The following KCNQ4 variants were observed in gnomAD, a reference collection of about 807,000 sequenced individuals.
KCNQ4 encodes potassium voltage-gated channel subfamily KQT member 4.
KCNQ4 carries 31 observed loss-of-function variants against 72.6 expected under a neutral mutation model. The observed-to-expected ratio is 0.43, with a 90% CI of 0.32 to 0.58. The LOEUF (loss-of-function observed/expected upper bound fraction) is 0.58. Among genes scored for constraint, KCNQ4 ranks in the 20% least tolerant of loss-of-function variants. KCNQ4 has a pLI of 0.08. For synonymous variants in KCNQ4, 405 were observed against 403.7 expected (o/e 1.00, Z -0.04); for missense variants, 869 against 962.6 (o/e 0.90, Z 1.29).
intron 9 of KCNQ4, among the ~76,000 whole-genome samples, chr1:40,828,457 G>A (rs1273248886): frequency 6.6e-6 from 1 of 152,030 alleles, no homozygotes; most frequent in African/African-American, 2.4e-5. Flanking sequence ...CCCCTGAGTG[G>A]GGGAACTTGC....
At chr1:40,792,550 C>T (rs1402413453) in intron 1 of KCNQ4, among the ~76,000 whole-genome samples, 3 of 152,330 alleles carry the variant, frequency 2.0e-5, no homozygotes, top group Non-Finnish European at 4.4e-5. Context: ...GGGGCCTTTT[C>T]CACCTTCCCT....
In KCNQ4 at chr1:40,819,338, G is replaced by A; in HGVS notation, c.709-9G>A. ...CGCTCCTCACCGCGCCCCTCCGCCT[G>A]CCCCGCAGGAGCTGATCACCGCCTG... On this transcript the variant is annotated splice_polypyrimidine_tract_variant and intron_variant, in intron 4 of 13. Coordinates refer to ENST00000347132, the MANE Select transcript of KCNQ4 (RefSeq NM_004700.4). 1.2e-6 allele frequency: 2 copies of A among 1,613,652 alleles called. No homozygotes were observed. Among genetic ancestry groups the A allele is most frequent in the Non-Finnish European group, 8.5e-7 (1 of 1,179,946 alleles).
chr1:40,796,261 C>A (rs925653076), intron 1 of KCNQ4, among the ~76,000 whole-genome samples: 1 of 152,122 alleles, frequency 6.6e-6, no homozygotes, highest in Admixed American at 6.5e-5. Context: ...GCAGTCACCT[C>A]CCTCTCTGAG....
rs145629588 is a variant in KCNQ4 at position 40,821,817 on chromosome 1, GA to G, written c.1042-496del. On this transcript the variant is annotated intron_variant, in intron 7 of 13. Coordinates refer to ENST00000347132, the MANE Select transcript of KCNQ4 (RefSeq NM_004700.4). ...CAATGAATAGGTATTCATCAAATGT[GA>G]TAAGGGGAATAACAGGAGTGTTTAA... Among the ~76,000 whole-genome samples, 86 of 152,290 alleles carry G rather than the reference GA, an allele frequency of 5.6e-4. 1 individual carries two copies. The East Asian group carries it at 0.016, about 28-fold the overall frequency.
rs1647180417 is a variant in KCNQ4 at position 40,784,130 on chromosome 1, C to G, written c.37C>G (p.Pro13Ala). 2 of 930,174 alleles carry G rather than the reference C, an allele frequency of 2.2e-6. No individual in the cohort carries two copies. The highest frequency in any genetic ancestry group is 3.6e-5 in the African/African-American group (2 of 55,510). 57.6% of individuals were successfully genotyped at this position (930,174 alleles called of 1,614,324 possible). Reference sequence around the variant, plus strand: ...CCCCCCGCGCCGCCTCGGCCTGGGTCCCCCGCCCGGGGACGCCCCCCGCGC... The same window carrying G: ...CCCCCCGCGCCGCCTCGGCCTGGGTGCCCCGCCCGGGGACGCCCCCCGCGC... ...EAPPRRLGLG[P>A]PPGDAPRAEL... Residue 13 changes from proline to alanine, a missense_variant, in exon 1 of 14, where the codon CCC becomes GCC. Physicochemically the swap from Pro to Ala is conservative, Grantham distance 27. Transcript: ENST00000347132. The surrounding 1 kb of genome is among the most constrained non-coding windows in gnomAD (Gnocchi z 4.1).
At chr1:40,831,755 A>C (rs1648657153) in intron 10 of KCNQ4, among the ~76,000 whole-genome samples, 2 of 152,252 alleles carry the variant, frequency 1.3e-5, no homozygotes, top group African/African-American at 4.8e-5. Flanking sequence ...CTCAACAAAT[A>C]GCTAAACACA....
intron 3 of KCNQ4, 99 bp from the exon 4 acceptor site, chr1:40,818,406 C>CCACCCAA: frequency 6.5e-7 from 1 of 1,550,128 alleles, no homozygotes; most frequent in Non-Finnish European, 8.8e-7. Flanking sequence ...GGACCCTCCC[C>CCACCCAA]CTCCCTCCCC....
At chr1:40,813,384 G>A (rs900071296) in intron 1 of KCNQ4, among the ~76,000 whole-genome samples, 7 of 152,186 alleles carry the variant, frequency 4.6e-5, no homozygotes, top group East Asian at 1.9e-4. Flanking sequence ...GGGATGGTGC[G>A]ACCTGGCCTG....
rs114709763 is a variant in KCNQ4, at chr1:40,821,355, G to A, written c.1042-959G>A. On this transcript the variant is annotated intron_variant, in intron 7 of 13. Coordinates refer to ENST00000347132, the MANE Select transcript of KCNQ4 (RefSeq NM_004700.4). The stretch of plus-strand genomic sequence containing the variant: ...AGGTCAGCAGTGGCAGCCCCTTAAG[G>A]ACAAGAGGCATCCAAAGAAGGGAGG... Among the ~76,000 whole-genome samples, 453 of 152,334 alleles carry A rather than the reference G, an allele frequency of 3.0e-3. 3 individuals carry two copies. The highest frequency in any genetic ancestry group is 0.01 in the African/African-American group (426 of 41,574).
rs769063921 is a variant in KCNQ4 at position 40,837,661 on chromosome 1, T to G, written c.1746-4T>G. 1 of 1,612,686 alleles carries G rather than the reference T, an allele frequency of 6.2e-7. No homozygotes were observed. The highest frequency in any genetic ancestry group is 1.3e-5 in the African/African-American group (1 of 74,988). Reference sequence around the variant, plus strand: ...GGGCCCTCTGATGGTTCCCTTACCCTTAGGGTGGACCAAATTGTGGGTCGG... The same window carrying G: ...GGGCCCTCTGATGGTTCCCTTACCCGTAGGGTGGACCAAATTGTGGGTCGG... On this transcript the variant is annotated splice_region_variant and splice_polypyrimidine_tract_variant and intron_variant, in intron 12 of 13. Coordinates refer to ENST00000347132, the MANE Select transcript of KCNQ4 (RefSeq NM_004700.4).
At chr1:40,829,026 A>C (rs951180954) in intron 9 of KCNQ4, among the ~76,000 whole-genome samples, 3 of 152,238 alleles carry the variant, frequency 2.0e-5, no homozygotes, top group Non-Finnish European at 4.4e-5. Flanking sequence ...TCCTTCCTCC[A>C]TAAGTCCTGC....
intron 12 of KCNQ4, among the ~76,000 whole-genome samples, 161 bp downstream of exon 12, chr1:40,835,259 G>A (rs1472667361): frequency 1.3e-5 from 2 of 152,168 alleles, no homozygotes; most frequent in Non-Finnish European, 2.9e-5. Context: ...CCTGAGGCCA[G>A]ACCCAGCACC....
rs1402193029 is a variant in KCNQ4, at chr1:40,824,107, C to T, written c.1141C>T (p.Leu381Phe). The change falls in exon 9 of 14, where the codon CTC (leucine) becomes TTC (phenylalanine). Residue 381 changes from leucine (L) to phenylalanine (F), a missense_variant. Transcript: ENST00000347132. The part of the protein sequence containing the change: ...SILPSFRELA[L>F]LFEHVQRARN... ...TGCCCTCTCCTGCAGAGAGCTGGCC[C>T]TCTTGTTTGAGCACGTGCAACGGGC... 6.4e-7 allele frequency: 1 copy of T among 1,553,748 alleles called. No individual in the cohort carries two copies. The highest frequency in any genetic ancestry group is 8.7e-7 in the Non-Finnish European group (1 of 1,149,032).
rs368905755 is a variant in KCNQ4, at chr1:40,837,405, A to G, written c.1746-260A>G. On this transcript the variant is annotated intron_variant, in intron 12 of 13. Coordinates refer to ENST00000347132, the MANE Select transcript of KCNQ4 (RefSeq NM_004700.4). The stretch of plus-strand genomic sequence containing the variant: ...ACTGCGCTGGGCCTCCTAGTCCACT[A>G]TTTCCATTCCTCTTTCACCAGACGG... Among the ~76,000 whole-genome samples, 8 of 152,224 alleles carry G rather than the reference A, an allele frequency of 5.3e-5. No homozygotes were observed. The East Asian group carries it at 1.5e-3, about 29-fold the overall frequency.
In KCNQ4 at chr1:40,793,710, C is replaced by T. The variant is rs572884166; in HGVS notation, c.314+9303C>T. ...AGAAATGACTTACAGTGTCCCAAAG[C>T]ATTGCGCTGTTTAGTGCTTCTGTGC... On this transcript the variant is annotated intron_variant, in intron 1 of 13. Transcript: ENST00000347132. Among the ~76,000 whole-genome samples, 9 of 152,320 alleles carry T rather than the reference C, an allele frequency of 5.9e-5. No individual in the cohort carries two copies. The South Asian group carries it at 1.9e-3, about 32-fold the overall frequency.
rs148501224 is a variant in KCNQ4, at chr1:40,799,669, C to G, written c.314+15262C>G. On this transcript the variant is annotated intron_variant, in intron 1 of 13. Transcript: ENST00000347132. ...TGAGCACTCACCACCTCCTGGTGGC[C>G]TGTCCCATTGGAGGCCCTAGGTCTT... 2.4e-3 allele frequency among the ~76,000 whole-genome samples: 371 copies of G among 152,312 alleles called. 1 individual carries two copies. The highest frequency in any genetic ancestry group is 8.7e-3 in the African/African-American group (361 of 41,578).
At chr1:40,816,852 G>A (rs950761223) in intron 1 of KCNQ4, among the ~76,000 whole-genome samples, 9 of 152,160 alleles carry the variant, frequency 5.9e-5, no homozygotes, top group Admixed American at 4.6e-4. Flanking sequence ...TCCTTCATCC[G>A]CTGACCTTCC....
intron 9 of KCNQ4, among the ~76,000 whole-genome samples, chr1:40,829,451 C>T (rs957585240): frequency 1.3e-5 from 2 of 152,094 alleles, no homozygotes; most frequent in Non-Finnish European, 2.9e-5. Flanking sequence ...GACCTATTAA[C>T]CTCTCCCCTC....
rs1219062047 is a variant in KCNQ4, at chr1:40,831,310, C to T, written c.1513+6C>T. 6.3e-7 allele frequency: 1 copy of T among 1,584,102 alleles called. No homozygotes were observed. The highest frequency in any genetic ancestry group is 2.3e-5 in the East Asian group (1 of 43,736). On this transcript the variant is annotated splice_donor_region_variant and intron_variant, in intron 10 of 13. Transcript: ENST00000347132. ...ACCCCGCACCTCTGCTGAGGGTAAG[C>T]CCCCGGGGGGCTGAGTCCGATCGAG... is the stretch of plus-strand genomic sequence containing the variant.
Sources: allele counts gnomAD v4.1 joint callset (sites outside exome capture counted in the v4.1 genomes callset), GRCh38; gene constraint gnomAD v4.1.1; non-coding constraint Gnocchi (gnomAD v3.1); transcripts MANE v1.5; gene names NCBI Gene and HGNC (gene_info 2026-07-23, HGNC 2026-07-21).